Variants in MARCHF1 observed in about 807,000 individuals in gnomAD.
The protein encoded by MARCHF1 is E3 ubiquitin-protein ligase MARCHF1.
In MARCHF1, 40 loss-of-function variants were observed where a neutral mutation model predicts 54.2. The ratio of observed to expected loss-of-function variants is 0.74; its 90% CI spans 0.57 to 0.96. The LOEUF (loss-of-function observed/expected upper bound fraction) is 0.96, where lower values mean the gene tolerates loss of function less well. MARCHF1 is among the 40% of genes least tolerant of loss of function. The pLI is 0.00. For synonymous variants in MARCHF1, 236 were observed against 236.3 expected (o/e 1.00, Z 0.01); for missense variants, 586 against 656.5 (o/e 0.89, Z 1.17).
chr4:164,274,659 C>CTTCTTTTTTT lies in MARCHF1; in HGVS notation c.-323+109210_-323+109211insAAAAAAAGAA, dbSNP rs1733826760. Among the ~76,000 whole-genome samples the CTTCTTTTTTT allele has an allele frequency of 4.5e-5, 2 of 44,644 alleles. 1 individual carries two copies. Among genetic ancestry groups the CTTCTTTTTTT allele is most frequent in the African/African-American group, 1.5e-4 (2 of 13,408 alleles). 29.3% of individuals were successfully genotyped at this position (44,644 alleles called of 152,430 possible). ...CGCTTGATGTGTGCTTCAGGGTACACTTTTTTTTTTTTTTTTTTTTTTTTT... is the reference window on the plus strand; with the variant it reads ...CGCTTGATGTGTGCTTCAGGGTACACTTCTTTTTTTTTTTTTTTTTTTTTTTTTTTTTTTT... On this transcript the variant is annotated intron_variant, in intron 1 of 9. Transcript: ENST00000514618.
In MARCHF1 at chr4:163,855,673, T is replaced by C. The variant is rs13133555; in HGVS notation, c.-38-1504A>G. On this transcript the variant is annotated intron_variant, in intron 3 of 9. Transcript: ENST00000514618. Reference sequence around the variant, plus strand: ...TACCATTTTGTCAATTTTAACTCTATAATTAAATATCACTTTAGTACTTAT... The same window carrying C: ...TACCATTTTGTCAATTTTAACTCTACAATTAAATATCACTTTAGTACTTAT... Among the ~76,000 whole-genome samples, 1,106 of 152,346 alleles carry C rather than the reference T, an allele frequency of 7.3e-3. 6 individuals carry two copies. The highest frequency in any genetic ancestry group is 0.017 in the Middle Eastern group (5 of 294).
chr4:163,563,434 A>G (rs891431342), intron 8 of MARCHF1, among the ~76,000 whole-genome samples: 1 of 152,192 alleles, frequency 6.6e-6, no homozygotes, highest in African/African-American at 2.4e-5. Flanking sequence ...AACTCTCTGT[A>G]TCTCACTGGG....
At chr4:163,552,010 A>AAGT (rs1404420529) in intron 8 of MARCHF1, among the ~76,000 whole-genome samples, 1 of 152,228 alleles carries the variant, frequency 6.6e-6, no homozygotes, top group Non-Finnish European at 1.5e-5. Context: ...TTTCTTACTA[A>AAGT]GAGTCAAAAC....
chr4:164,182,041 T>C (rs1170110318), intron 1 of MARCHF1, among the ~76,000 whole-genome samples: 1 of 152,132 alleles, frequency 6.6e-6, no homozygotes, highest in African/African-American at 2.4e-5. Context: ...ATTTTTTCTC[T>C]TCTTTTTCTC....
chr4:163,819,060 C>A (rs1748621615), intron 4 of MARCHF1, among the ~76,000 whole-genome samples: 1 of 152,120 alleles, frequency 6.6e-6, no homozygotes, highest in South Asian at 2.1e-4. Context: ...TCCATATCTC[C>A]AATGCTCTTC....
chr4:164,362,728 C>T (rs938774217), intron 1 of MARCHF1, among the ~76,000 whole-genome samples: 3 of 152,048 alleles, frequency 2.0e-5, no homozygotes, highest in Non-Finnish European at 4.4e-5. Flanking sequence ...CAATTTTAAA[C>T]ATAATTTAGT....
At chr4:164,318,264 C>A (rs1304360261) in intron 1 of MARCHF1, among the ~76,000 whole-genome samples, 12 of 152,104 alleles carry the variant, frequency 7.9e-5, no homozygotes. Flanking sequence ...CAGTGGACTA[C>A]AGCCTGCAAT....
In MARCHF1 at chr4:163,920,347, A is replaced by T. The variant is rs569153251; in HGVS notation, c.-38-66178T>A. ...TTCTTGCAAGAATTAATTGTATAAA[A>T]CTCTCTTGGTTGGTCAAAGATGCTA... is the stretch of plus-strand genomic sequence containing the variant. On this transcript the variant is annotated intron_variant, in intron 3 of 9. Transcript: ENST00000514618. Among the ~76,000 whole-genome samples the T allele has an allele frequency of 5.3e-5, 8 of 152,146 alleles. No individual in the cohort carries two copies. The East Asian group carries it at 1.5e-3, about 29-fold the overall frequency.
chr4:164,147,645 G>T (rs1268764357), intron 1 of MARCHF1, among the ~76,000 whole-genome samples: 1 of 136,598 alleles, frequency 7.3e-6, no homozygotes, highest in Non-Finnish European at 1.6e-5. Context: ...ACACAGGAAG[G>T]GGAACATCAC....
At chr4:163,788,116 G>A (rs961413655) in intron 4 of MARCHF1, among the ~76,000 whole-genome samples, 5 of 151,636 alleles carry the variant, frequency 3.3e-5, no homozygotes, top group Admixed American at 6.6e-5. Flanking sequence ...TCAGATTTGC[G>A]TGATGGAAAA....
rs779347637 is a variant in MARCHF1, at chr4:164,335,650, TC to T, written c.-323+48219del. 1.1e-3 allele frequency among the ~76,000 whole-genome samples: 164 copies of T among 151,464 alleles called. 1 individual carries two copies. Among genetic ancestry groups the T allele is most frequent in the Admixed American group, 2.6e-3 (39 of 15,244 alleles). ...TTTCAGCAACCAACACCCTGATCGG[TC>T]AGCAGCCATCAACATCGAAGCAGGA... On this transcript the variant is annotated intron_variant, in intron 1 of 9. Transcript: ENST00000514618.
intron 5 of MARCHF1, among the ~76,000 whole-genome samples, chr4:163,619,123 T>C (rs1741600666): frequency 6.6e-6 from 1 of 152,234 alleles, no homozygotes; most frequent in East Asian, 1.9e-4. Context: ...ATAGTCAAGA[T>C]GAAAAAGTAG....
chr4:163,569,131 T>G (rs552589368), intron 8 of MARCHF1, among the ~76,000 whole-genome samples: 1 of 152,108 alleles, frequency 6.6e-6, no homozygotes, highest in African/African-American at 2.4e-5. Flanking sequence ...TGATGCTGCA[T>G]AGCAATCTGT....
intron 4 of MARCHF1, among the ~76,000 whole-genome samples, chr4:163,833,263 A>T (rs1255477362): frequency 6.6e-6 from 1 of 152,146 alleles, no homozygotes; most frequent in African/African-American, 2.4e-5. Context: ...TTGTTTCCTG[A>T]CTTTTTAATG....
At chr4:164,311,122 T>C (rs1734840087) in intron 1 of MARCHF1, among the ~76,000 whole-genome samples, 1 of 152,190 alleles carries the variant, frequency 6.6e-6, no homozygotes, top group South Asian at 2.1e-4. Context: ...TTATTTAGTA[T>C]GCTAACAGGT....
In MARCHF1 at chr4:164,009,441, T is replaced by C. The variant is rs1379300592; in HGVS notation, c.-247-20732A>G. 6.6e-5 allele frequency among the ~76,000 whole-genome samples: 10 copies of C among 152,100 alleles called. 1 individual carries two copies. Among genetic ancestry groups the C allele is most frequent in the Admixed American group, 6.5e-4 (10 of 15,270 alleles). ...AGGAGGAAATACTTCTAAGCTCGTC[T>C]CACAAGGACAACATTACCCTGACAC... On this transcript the variant is annotated intron_variant, in intron 2 of 9. Transcript: ENST00000514618.
chr4:163,750,250 G>T (rs1044488100), intron 4 of MARCHF1, among the ~76,000 whole-genome samples: 1 of 152,008 alleles, frequency 6.6e-6, no homozygotes, highest in South Asian at 2.1e-4. Flanking sequence ...GGTGGCTCAT[G>T]CCTGTAATCC....
chr4:163,552,080 C>A (rs1739124365), intron 8 of MARCHF1, among the ~76,000 whole-genome samples: 1 of 152,168 alleles, frequency 6.6e-6, no homozygotes, highest in East Asian at 1.9e-4. Context: ...AAAACATTTT[C>A]TCCCCTAGTT....
intron 4 of MARCHF1, among the ~76,000 whole-genome samples, chr4:163,728,154 T>C (rs1561044120): frequency 6.6e-6 from 1 of 152,216 alleles, no homozygotes; most frequent in Non-Finnish European, 1.5e-5. Flanking sequence ...AAGTTTTTTG[T>C]ATTTTTTGTG....
Sources: allele counts gnomAD v4.1 joint callset (sites outside exome capture counted in the v4.1 genomes callset), GRCh38; gene constraint gnomAD v4.1.1; transcripts MANE v1.5; gene names NCBI Gene and HGNC (gene_info 2026-07-23, HGNC 2026-07-21).